The following C10orf90 variants were observed in gnomAD, a reference collection of about 807,000 sequenced individuals.
The protein encoded by C10orf90 is chromosome 10 open reading frame 90.
C10orf90 carries 56 observed loss-of-function variants against 62.5 expected under a neutral mutation model. The observed-to-expected ratio is 0.90, with a 90% CI of 0.72 to 1.12. C10orf90 has a LOEUF of 1.12. C10orf90 is among the 50% of genes most tolerant of loss of function. The probability of loss-of-function intolerance (pLI) is 0.00; values close to 1 mark genes in which losing one functional copy is unlikely to be tolerated. For synonymous variants in C10orf90, 386 were observed against 340.4 expected (o/e 1.13, Z -1.47); for missense variants, 970 against 880.4 (o/e 1.10, Z -1.29).
At chr10:126,655,849 A>G (rs1040727903) in intron 1 of C10orf90, among the ~76,000 whole-genome samples, 3 of 151,944 alleles carry the variant, frequency 2.0e-5, no homozygotes, top group South Asian at 2.1e-4. Flanking sequence ...CAAAAAAAAA[A>G]AAGAAGAAGA....
At chr10:126,480,317 A>G (rs184512816) in intron 4 of C10orf90, among the ~76,000 whole-genome samples, 1 of 152,328 alleles carries the variant, frequency 6.6e-6, no homozygotes, top group Non-Finnish European at 1.5e-5. Context: ...AGCAACTGAA[A>G]ATAAAGCTCT....
At chr10:126,494,954 T>G (rs907593833) in intron 4 of C10orf90, among the ~76,000 whole-genome samples, 2 of 152,216 alleles carry the variant, frequency 1.3e-5, no homozygotes, top group African/African-American at 4.8e-5. Context: ...TACCCATGAA[T>G]AGCTGAGAAA....
At chr10:126,430,506 G>A (rs1421019602) in intron 7 of C10orf90, among the ~76,000 whole-genome samples, 1 of 152,058 alleles carries the variant, frequency 6.6e-6, no homozygotes, top group Non-Finnish European at 1.5e-5. Context: ...AGTGGTGTGT[G>A]TTAAAAAAAA....
Position 126,504,203 on chromosome 10 carries a change from G to C in C10orf90, c.1288C>G (p.Gln430Glu). The change falls in exon 4 of 10, where the codon CAG becomes GAG. Residue 430 changes from glutamine (Q) to glutamate (E), a missense_variant. Coordinates refer to ENST00000488181, the MANE Select transcript of C10orf90 (RefSeq NM_001350921.2). The surrounding 1 kb of genome is among the most constrained non-coding windows in gnomAD (Gnocchi z 4.1). ...LLEGDQDLVG[Q>E]RWNPGLQESH... ...TCTTGTAAACCTGGGTTCCAGCGCT[G>C]GCCTACGAGGTCCTGGTCTCCCTCC... is the stretch of plus-strand genomic sequence containing the variant. 1 of 1,614,144 alleles carries C rather than the reference G, an allele frequency of 6.2e-7. No homozygotes were observed. Among genetic ancestry groups the C allele is most frequent in the East Asian group, 2.2e-5 (1 of 44,866 alleles).
intron 2 of C10orf90, among the ~76,000 whole-genome samples, chr10:126,548,748 T>TTC (rs1864563044): frequency 1.3e-5 from 2 of 151,070 alleles, no homozygotes; most frequent in African/African-American, 4.8e-5. Context: ...TACACAGCTT[T>TTC]TTTTTTTTTT....
At position 126,442,478 on chromosome 10, in the gene C10orf90, C is replaced by CATATAT. The variant is rs55780866; in HGVS notation, c.2189-12634_2189-12629dup. Among the ~76,000 whole-genome samples the CATATAT allele has an allele frequency of 9.8e-3, 331 of 33,788 alleles. 30 individuals are homozygous for CATATAT. The highest frequency in any genetic ancestry group is 0.013 in the African/African-American group (83 of 6,308). The allele number at this position is 33,788 out of a possible 152,430, so 22.2% of individuals were successfully genotyped here. ...ATAATAGTAGGGAACTTCAATATTTCATATATATATATATATATATATATA... is the reference window on the plus strand; with the variant it reads ...ATAATAGTAGGGAACTTCAATATTTCATATATATATATATATATATATATATATATA... On this transcript the variant is annotated intron_variant, in intron 7 of 9. Coordinates refer to ENST00000488181, the MANE Select transcript of C10orf90 (RefSeq NM_001350921.2).
intron 7 of C10orf90, among the ~76,000 whole-genome samples, chr10:126,431,045 G>A (rs763274189): frequency 2.0e-5 from 3 of 152,108 alleles, no homozygotes; most frequent in Admixed American, 1.3e-4. Context: ...AAAGAATATG[G>A]CACCATCGCT....
chr10:126,604,181 A>G lies in C10orf90; in HGVS notation c.313+42384T>C, dbSNP rs375776808. ...CCAGAAACACAGATTCGGAGAAGCC[A>G]TCTGACCTCTCGGCCTTGCTCGGGT... On this transcript the variant is annotated intron_variant, in intron 2 of 9. Coordinates refer to ENST00000488181, the MANE Select transcript of C10orf90 (RefSeq NM_001350921.2). Among the ~76,000 whole-genome samples, 8 of 152,304 alleles carry G rather than the reference A, an allele frequency of 5.3e-5. No individual in the cohort carries two copies. The South Asian group carries it at 1.2e-3, about 24-fold the overall frequency.
chr10:126,439,684 G>A (rs2134017864), intron 7 of C10orf90, among the ~76,000 whole-genome samples: 1 of 152,094 alleles, frequency 6.6e-6, no homozygotes, highest in South Asian at 2.1e-4. Flanking sequence ...TTAAAAGGAA[G>A]TAAAAGGCAT....
intron 3 of C10orf90, among the ~76,000 whole-genome samples, chr10:126,509,700 C>T (rs912851736): frequency 6.6e-6 from 1 of 152,178 alleles, no homozygotes; most frequent in Admixed American, 6.5e-5. Context: ...CCCCAAACAA[C>T]AAACTCGGAG....
Position 126,464,764 on chromosome 10 carries a change from G to T in C10orf90, c.1757C>A (p.Pro586His). The T allele has an allele frequency of 1.2e-6, 2 of 1,614,028 alleles. No homozygotes were observed. The highest frequency in any genetic ancestry group is 1.7e-6 in the Non-Finnish European group (2 of 1,180,010). ...CAGAGATGCACATACATCTTGTAAG[G>T]GGCAAAGAAACCCAGGAAAAAGGAT... The part of the protein sequence containing the change: ...PRILFPGFLC[P>H]LQDVCASLQE... Residue 586 changes from proline to histidine, a missense_variant, in exon 5 of 10, where the codon CCC becomes CAC. Transcript: ENST00000488181.
chr10:126,549,821 T>C (rs1034707458), intron 2 of C10orf90, among the ~76,000 whole-genome samples: 4 of 151,458 alleles, frequency 2.6e-5, no homozygotes, highest in Non-Finnish European at 4.4e-5. Context: ...GGTGCATCCA[T>C]ATCATGGGAC....
intron 3 of C10orf90, among the ~76,000 whole-genome samples, chr10:126,512,834 G>A (rs1251959990): frequency 6.6e-6 from 1 of 152,168 alleles, no homozygotes; most frequent in Non-Finnish European, 1.5e-5. Context: ...ATATTGATGA[G>A]TAAATCTCAG....
At chr10:126,630,174 C>A (rs1472872267) in intron 2 of C10orf90, among the ~76,000 whole-genome samples, 2 of 152,190 alleles carry the variant, frequency 1.3e-5, no homozygotes, top group East Asian at 1.9e-4. Flanking sequence ...TTAATAACAA[C>A]AAAATGGAGC....
chr10:126,556,859 C>T (rs1864784435), intron 2 of C10orf90, among the ~76,000 whole-genome samples: 1 of 151,976 alleles, frequency 6.6e-6, no homozygotes, highest in African/African-American at 2.4e-5. Flanking sequence ...AAGCTGTGAC[C>T]TGTGGGGAAG....
chr10:126,567,741 C>T (rs1318387014), intron 2 of C10orf90, among the ~76,000 whole-genome samples: 1 of 152,082 alleles, frequency 6.6e-6, no homozygotes, highest in Non-Finnish European at 1.5e-5. Context: ...TCACTGTGGA[C>T]CTTGTTAGAG....
rs1348067015 is a variant in C10orf90 at position 126,464,718 on chromosome 10, C to T, written c.1803G>A (p.Gln601=). The change falls in exon 5 of 10, where the codon CAG becomes CAA. Residue 601 remains glutamine, a synonymous_variant. Transcript: ENST00000488181. The stretch of plus-strand genomic sequence containing the variant: ...TACCTTTGGGGAACTTGCTTTCTAT[C>T]TGAACACCATTGTCTTCCTGCAGAG... ...CASLQEDNGV[Q]IESKFPKGDY... The T allele has an allele frequency of 1.2e-6, 2 of 1,610,498 alleles. No individual in the cohort carries two copies. The highest frequency in any genetic ancestry group is 2.2e-5 in the South Asian group (2 of 91,030).
chr10:126,513,696 T>C (rs1244340660), intron 3 of C10orf90, 152 bp downstream of exon 3: 1 of 547,956 alleles, frequency 1.8e-6, no homozygotes, highest in Non-Finnish European at 3.2e-6. Flanking sequence ...AAAAGAATAA[T>C]TAAATCTATA....
At chr10:126,487,969 TTGA>T (rs1861528805) in intron 4 of C10orf90, among the ~76,000 whole-genome samples, 1 of 152,278 alleles carries the variant, frequency 6.6e-6, no homozygotes, top group African/African-American at 2.4e-5. Context: ...AATTTTGGCC[TTGA>T]TGAGTTCACG....
Sources: gnomAD v4.1 joint callset for allele counts (sites outside exome capture counted in the v4.1 genomes callset) on GRCh38, gnomAD v4.1.1 for gene constraint, Gnocchi (gnomAD v3.1) non-coding constraint, MANE v1.5 for transcripts, NCBI Gene and HGNC (gene_info 2026-07-23, HGNC 2026-07-21) for gene names.